The following PLEKHA5 variants were observed in gnomAD, a reference collection of about 807,000 sequenced individuals.
PLEKHA5 encodes the protein pleckstrin homology domain-containing family A member 5.
In PLEKHA5, 55 loss-of-function variants were observed where a neutral mutation model predicts 181.9. That is an observed-to-expected ratio of 0.30 (90% confidence interval 0.24 to 0.38). The LOEUF (loss-of-function observed/expected upper bound fraction) is 0.38. Among genes scored for constraint, PLEKHA5 ranks in the 10% least tolerant of loss-of-function variants. The pLI is 1.00. For missense variants in PLEKHA5, 1,432 were observed against 1,549.5 expected (o/e 0.92, Z 1.27); for synonymous variants, 535 against 529.4 (o/e 1.01, Z -0.15).
At chr12:19,258,476 C>G (rs1565530017) in intron 6 of PLEKHA5, among the ~76,000 whole-genome samples, 1 of 150,886 alleles carries the variant, frequency 6.6e-6, no homozygotes, top group Non-Finnish European at 1.5e-5. Context: ...ATTGAAAGAT[C>G]ATTGACTATA....
In PLEKHA5 at chr12:19,348,365, G is replaced by GT. The variant is rs761859453; in HGVS notation, c.2899-28dup. The stretch of plus-strand genomic sequence containing the variant: ...AACATTTTAAAAGAAACTTTTAGCA[G>GT]TTTTTTAGGGTAATTACATGTCTTC... On this transcript the variant is annotated intron_variant, in intron 24 of 31. Coordinates refer to ENST00000429027, the MANE Select transcript of PLEKHA5 (RefSeq NM_001256470.2). 3.3e-6 allele frequency: 5 copies of GT among 1,528,144 alleles called. No individual in the cohort carries two copies. In the South Asian group the frequency reaches 3.8e-5, roughly 12 times the overall value. The allele number at this position is 1,528,144 out of a possible 1,614,324, so 94.7% of individuals were successfully genotyped here.
intron 26 of PLEKHA5, 78 bp from the exon 27 acceptor site, chr12:19,358,150 C>G: frequency 1.0e-6 from 1 of 976,448 alleles, no homozygotes; most frequent in Admixed American, 2.4e-5. Context: ...AATAAATGCA[C>G]TTTACAACAT....
At chr12:19,226,359 C>T (rs1273335131) in intron 3 of PLEKHA5, among the ~76,000 whole-genome samples, 4 of 152,102 alleles carry the variant, frequency 2.6e-5, no homozygotes, top group Non-Finnish European at 4.4e-5. Flanking sequence ...CATGTGGGTT[C>T]TTTCCACCTT....
intron 6 of PLEKHA5, among the ~76,000 whole-genome samples, chr12:19,259,960 T>C (rs1157618834): frequency 2.0e-5 from 3 of 151,484 alleles, no homozygotes; most frequent in Non-Finnish European, 4.4e-5. Flanking sequence ...TCTCGTTTTT[T>C]CTTTTTTCTT....
rs934436446 is a variant in PLEKHA5, at chr12:19,187,042, A to G, written c.227+54592A>G. 2.0e-5 allele frequency among the ~76,000 whole-genome samples: 3 copies of G among 152,188 alleles called. No individual in the cohort carries two copies. In the East Asian group the frequency reaches 5.8e-4, roughly 29 times the overall value. On this transcript the variant is annotated intron_variant, in intron 3 of 31. Coordinates refer to ENST00000429027, the MANE Select transcript of PLEKHA5 (RefSeq NM_001256470.2). ...CATTTATTGGTTCACTGATGTATCA[A>G]GCATGTAATGAGCATCTTCTATATG...
intron 3 of PLEKHA5, among the ~76,000 whole-genome samples, chr12:19,134,408 A>T (rs1409431578): frequency 6.6e-6 from 1 of 152,084 alleles, no homozygotes; most frequent in African/African-American, 2.4e-5. Flanking sequence ...AAGTAGCAAT[A>T]AATAACTTAT....
At chr12:19,306,401 G>T in intron 15 of PLEKHA5, 1 of 545,700 alleles carries the variant, frequency 1.8e-6, no homozygotes, top group Non-Finnish European at 3.5e-6. Flanking sequence ...GCGTGCAGTG[G>T]GGTAGAGAAA....
At chr12:19,206,817 C>A (rs1350930255) in intron 3 of PLEKHA5, among the ~76,000 whole-genome samples, 1 of 152,140 alleles carries the variant, frequency 6.6e-6, no homozygotes, top group Admixed American at 6.5e-5. Context: ...ATTCCCACTT[C>A]TTTATACTGA....
intron 15 of PLEKHA5, among the ~76,000 whole-genome samples, chr12:19,294,621 C>T (rs561883480): frequency 1.3e-5 from 2 of 152,102 alleles, no homozygotes; most frequent in South Asian, 4.1e-4. Context: ...TGAGGTATTA[C>T]AATAATCAAA....
chr12:19,323,055 G>A (rs1482789943), intron 20 of PLEKHA5, among the ~76,000 whole-genome samples: 7 of 133,176 alleles, frequency 5.3e-5, no homozygotes, highest in Non-Finnish European at 7.7e-5. Context: ...TAGAAATGGG[G>A]CCTCACTATG....
intron 14 of PLEKHA5, among the ~76,000 whole-genome samples, 187 bp from the exon 15 acceptor site, chr12:19,291,455 CAA>C: frequency 6.6e-6 from 1 of 152,166 alleles, no homozygotes; most frequent in Non-Finnish European, 1.5e-5. Context: ...TCTTACAAAA[CAA>C]AATATAATTT....
chr12:19,212,758 C>G (rs1230423012), intron 3 of PLEKHA5, among the ~76,000 whole-genome samples: 2 of 151,898 alleles, frequency 1.3e-5, no homozygotes, highest in African/African-American at 4.8e-5. Context: ...CAAACATATC[C>G]TCACAGCATC....
chr12:19,354,400 A>G (rs2094802305), intron 26 of PLEKHA5, among the ~76,000 whole-genome samples: 1 of 140,854 alleles, frequency 7.1e-6, no homozygotes, highest in Admixed American at 7.2e-5. Context: ...TGATCTGCCC[A>G]CCTCGGCCTC....
intron 4 of PLEKHA5, among the ~76,000 whole-genome samples, chr12:19,254,549 A>T (rs1209220186): frequency 6.6e-6 from 1 of 152,198 alleles, no homozygotes; most frequent in Non-Finnish European, 1.5e-5. Context: ...GGCCGGGCAC[A>T]GTGGCTCACG....
intron 6 of PLEKHA5, among the ~76,000 whole-genome samples, chr12:19,257,837 A>C (rs542561908): frequency 6.6e-6 from 1 of 152,264 alleles, no homozygotes; most frequent in Admixed American, 6.5e-5. Flanking sequence ...TCCAGACAGA[A>C]ATATTTTTAA....
intron 6 of PLEKHA5, among the ~76,000 whole-genome samples, chr12:19,260,409 G>T (rs1206001823): frequency 6.6e-6 from 1 of 152,152 alleles, no homozygotes; most frequent in Non-Finnish European, 1.5e-5. Flanking sequence ...AAATCAAATT[G>T]CCTTAATATA....
At position 19,130,008 on chromosome 12, in the gene PLEKHA5, C is replaced by T. The variant is rs975482549; in HGVS notation, c.90-43C>T. 1.3e-6 allele frequency: 2 copies of T among 1,504,704 alleles called. No homozygotes were observed. The highest frequency in any genetic ancestry group is 1.4e-5 in the African/African-American group (1 of 71,278). The allele number at this position is 1,504,704 out of a possible 1,614,324, so 93.2% of individuals were successfully genotyped here. A position where few individuals can be genotyped will look rare whatever the true frequency, so the allele number is the denominator to read the frequency against. Reference sequence around the variant, plus strand: ...GCAGCCCCTCGGCTCGCCCCCGCGTCCCCTCTCACGCTCCGTGTCTGCCCC... The same window carrying T: ...GCAGCCCCTCGGCTCGCCCCCGCGTTCCCTCTCACGCTCCGTGTCTGCCCC... On this transcript the variant is annotated intron_variant, in intron 1 of 31. Transcript: ENST00000429027. This position sits in a 1 kb window ranked among gnomAD's most constrained non-coding sequence, Gnocchi z 4.5.
intron 3 of PLEKHA5, chr12:19,149,520 A>G (rs1472322428): frequency 2.0e-5 from 3 of 151,230 alleles, no homozygotes; most frequent in South Asian, 2.1e-4. Context: ...AAAAAAAAAA[A>G]AAAGAAAAGA....
chr12:19,306,789 G>A (rs2152956258), intron 15 of PLEKHA5: 1 of 877,416 alleles, frequency 1.1e-6, no homozygotes, highest in Middle Eastern at 2.2e-4. Flanking sequence ...CCATGATCCA[G>A]ACTCAGCAGT....
Sources: gnomAD v4.1 joint callset for allele counts (sites outside exome capture counted in the v4.1 genomes callset) on GRCh38, gnomAD v4.1.1 for gene constraint, Gnocchi (gnomAD v3.1) non-coding constraint, MANE v1.5 for transcripts, NCBI Gene and HGNC (gene_info 2026-07-23, HGNC 2026-07-21) for gene names.